FRMD4A: variants seen among roughly 807,000 people sequenced by gnomAD.
FRMD4A encodes FERM domain containing 4A.
Under a neutral mutation model 129.1 loss-of-function variants are expected in FRMD4A, and 29 were observed. The observed-to-expected ratio is 0.22, with a 90% confidence interval of 0.17 to 0.31. FRMD4A has a LOEUF of 0.31. Among genes scored for constraint, FRMD4A ranks in the 10% least tolerant of loss-of-function variants. The pLI is 1.00. For missense variants in FRMD4A, 1,272 were observed against 1,375.8 expected (o/e 0.92, Z 1.19); for synonymous variants, 634 against 571.6 (o/e 1.11, Z -1.56).
rs183969478 is a variant in FRMD4A, at chr10:13,713,982, T to A, written c.760-6869A>T. ...ATATATAATATATACATATATGTAATATACATATATAATATACATATATAA... is the reference window on the plus strand; with the variant it reads ...ATATATAATATATACATATATGTAAAATACATATATAATATACATATATAA... On this transcript the variant is annotated intron_variant, in intron 12 of 24. Transcript: ENST00000357447. 3.1e-3 allele frequency among the ~76,000 whole-genome samples: 301 copies of A among 95,880 alleles called. 91 individuals carry two copies. Among genetic ancestry groups the A allele is most frequent in the African/African-American group, 5.0e-3 (126 of 25,440 alleles). The allele number at this position is 95,880 out of a possible 152,430, so 62.9% of individuals were successfully genotyped here. A position where few individuals can be genotyped will look rare whatever the true frequency, so the allele number is the denominator to read the frequency against.
intron 2 of FRMD4A, among the ~76,000 whole-genome samples, chr10:14,103,491 T>G (rs1175753659): frequency 2.0e-5 from 3 of 152,164 alleles, no homozygotes; most frequent in Non-Finnish European, 4.4e-5. Context: ...GGGTCTCTGT[T>G]GACTACAGAA....
At chr10:13,920,350 T>A (rs759906663) in intron 2 of FRMD4A, among the ~76,000 whole-genome samples, 1 of 152,240 alleles carries the variant, frequency 6.6e-6, no homozygotes, top group East Asian at 1.9e-4. Context: ...TCAAAAGCTA[T>A]GATGAGGTTC....
At position 13,659,367 on chromosome 10, in the gene FRMD4A, C is replaced by T. The variant is rs771302514; in HGVS notation, c.2022G>A (p.Thr674=). 17 of 1,614,154 alleles carry T rather than the reference C, an allele frequency of 1.1e-5. 1 individual carries two copies. Among genetic ancestry groups the T allele is most frequent in the Middle Eastern group, 1.7e-4 (1 of 6,054 alleles). ...GGGGACTCCGGACCCGCAGGTCTGG[C>T]GTGGACGGCATGCTGGACTGGGAGT... ...HWNSQSSMPS[T]PDLRVRSPHY... Residue 674 remains threonine, a synonymous_variant, in exon 21 of 25, where the codon ACG becomes ACA. Coordinates refer to ENST00000357447, the MANE Select transcript of FRMD4A (RefSeq NM_018027.5).
chr10:13,759,928 G>T (rs1172322689), intron 8 of FRMD4A, among the ~76,000 whole-genome samples: 1 of 151,946 alleles, frequency 6.6e-6, no homozygotes, highest in Non-Finnish European at 1.5e-5. Flanking sequence ...GATGGCATTT[G>T]AGATCAGAGT....
chr10:13,802,530 C>T (rs573942847), intron 4 of FRMD4A, among the ~76,000 whole-genome samples: 1 of 152,314 alleles, frequency 6.6e-6, no homozygotes, highest in South Asian at 2.1e-4. Context: ...TAGCTCACTG[C>T]AGCCTTGAAC....
intron 2 of FRMD4A, among the ~76,000 whole-genome samples, chr10:14,030,169 G>T (rs115691078): frequency 0.017 from 2,630 of 152,258 alleles, 72 homozygotes; most frequent in East Asian, 0.083. Flanking sequence ...ATAAGTTCTG[G>T]GCACCCAATG....
At chr10:13,817,133 C>T (rs754886869) in intron 3 of FRMD4A, among the ~76,000 whole-genome samples, 2 of 152,244 alleles carry the variant, frequency 1.3e-5, no homozygotes, top group Non-Finnish European at 2.9e-5. Context: ...GCACCACTCA[C>T]AGAGCTAATA....
chr10:13,663,340 C>T (rs2082782309), intron 19 of FRMD4A, 113 bp downstream of exon 19: 2 of 681,002 alleles, frequency 2.9e-6, no homozygotes, highest in Non-Finnish European at 5.3e-6. Flanking sequence ...GGGAGCCCAG[C>T]TGCCTTTTGG....
intron 2 of FRMD4A, among the ~76,000 whole-genome samples, chr10:14,038,651 C>T (rs1457521459): frequency 6.6e-6 from 1 of 152,180 alleles, no homozygotes; most frequent in Non-Finnish European, 1.5e-5. Flanking sequence ...AGCTCAGAAA[C>T]TAATCTCATA....
At chr10:14,133,150 G>A (rs1839351627) in intron 2 of FRMD4A, among the ~76,000 whole-genome samples, 1 of 152,192 alleles carries the variant, frequency 6.6e-6, no homozygotes, top group South Asian at 2.1e-4. Flanking sequence ...AGCACATGAT[G>A]AGGTGAATGA....
chr10:13,872,899 A>T (rs975200027), intron 2 of FRMD4A, among the ~76,000 whole-genome samples: 2 of 152,176 alleles, frequency 1.3e-5, no homozygotes, highest in Non-Finnish European at 1.5e-5. Flanking sequence ...AAGGATAGTT[A>T]GATGGAGCCT....
At chr10:14,138,153 A>T (rs117546822) in intron 2 of FRMD4A, among the ~76,000 whole-genome samples, 5 of 152,340 alleles carry the variant, frequency 3.3e-5, no homozygotes, top group Non-Finnish European at 5.9e-5. Flanking sequence ...TAAATCAAGA[A>T]TAAACTTGTT....
intron 2 of FRMD4A, among the ~76,000 whole-genome samples, chr10:13,906,855 A>C (rs1358524097): frequency 6.6e-6 from 1 of 152,188 alleles, no homozygotes; most frequent in Non-Finnish European, 1.5e-5. Flanking sequence ...AATGCATTTA[A>C]ATAGCCCACA....
intron 2 of FRMD4A, among the ~76,000 whole-genome samples, chr10:14,151,455 A>C (rs1395092143): frequency 6.6e-6 from 1 of 152,198 alleles, no homozygotes; most frequent in Non-Finnish European, 1.5e-5. Flanking sequence ...TAAAGGGTAC[A>C]TATGAACAAA....
chr10:13,871,429 A>C (rs1157490090), intron 2 of FRMD4A, among the ~76,000 whole-genome samples: 1 of 152,170 alleles, frequency 6.6e-6, no homozygotes, highest in Non-Finnish European at 1.5e-5. Context: ...AAAAAATCTG[A>C]CAAGTTGCTC....
intron 2 of FRMD4A, among the ~76,000 whole-genome samples, chr10:14,256,986 T>C (rs184968751): frequency 6.6e-6 from 1 of 152,234 alleles, no homozygotes; most frequent in East Asian, 1.9e-4. Context: ...GAAAAAAATT[T>C]ATAGTGTAAC....
chr10:13,757,986 C>T (rs2091931032), intron 8 of FRMD4A, among the ~76,000 whole-genome samples: 1 of 152,226 alleles, frequency 6.6e-6, no homozygotes, highest in African/African-American at 2.4e-5. Flanking sequence ...TTAGGTGATT[C>T]ACCTGCCTTG....
intron 12 of FRMD4A, among the ~76,000 whole-genome samples, chr10:13,716,511 T>C (rs1201674858): frequency 2.0e-5 from 3 of 152,174 alleles, no homozygotes; most frequent in Non-Finnish European, 4.4e-5. Flanking sequence ...CAGGAGACAA[T>C]GGCTAATTCT....
intron 2 of FRMD4A, among the ~76,000 whole-genome samples, chr10:13,859,993 G>A (rs1029642534): frequency 6.6e-6 from 1 of 150,918 alleles, no homozygotes; most frequent in Non-Finnish European, 1.5e-5. Context: ...CGAGCCCAGT[G>A]GGGTGCTGGT....
Sources: allele counts gnomAD v4.1 joint callset (sites outside exome capture counted in the v4.1 genomes callset), GRCh38; gene constraint gnomAD v4.1.1; transcripts MANE v1.5; gene names NCBI Gene and HGNC (gene_info 2026-07-23, HGNC 2026-07-21).